The following PTPRT variants were observed in gnomAD, a reference collection of about 807,000 sequenced individuals.
The protein encoded by PTPRT is protein tyrosine phosphatase receptor type T, also known as receptor-type tyrosine-protein phosphatase T.
Under a neutral mutation model 176.8 loss-of-function variants are expected in PTPRT, and 56 were observed. The observed-to-expected ratio is 0.32, with a 90% CI of 0.26 to 0.40. PTPRT has a LOEUF of 0.40. PTPRT is among the 10% of genes least tolerant of loss of function. PTPRT has a pLI of 1.00. For missense variants in PTPRT, 1,540 were observed against 1,908.2 expected (o/e 0.81, Z 3.60); for synonymous variants, 783 against 739.0 (o/e 1.06, Z -0.96).
rs541164283 is a variant in PTPRT at position 43,046,614 on chromosome 20, G to A, written c.88+143032C>T. Among the ~76,000 whole-genome samples the A allele has an allele frequency of 5.3e-5, 8 of 151,982 alleles. No individual in the cohort carries two copies. The South Asian group carries it at 8.3e-4, about 16-fold the overall frequency. On this transcript the variant is annotated intron_variant, in intron 1 of 30. Transcript: ENST00000373187. ...TGGCTTGGACAGCGGGACTGAGGTC[G>A]GGCTGTGGTGGGGGCATGCAGTTCT...
At chr20:42,055,698 G>T in the PTPRT span, among the ~76,000 whole-genome samples, 1 of 152,168 alleles carries the variant, frequency 6.6e-6, no homozygotes, top group Non-Finnish European at 1.5e-5. Flanking sequence ...AGGACCATGG[G>T]GGGAATGAGA....
chr20:42,446,479 C>A (rs1366351347), intron 9 of PTPRT, among the ~76,000 whole-genome samples: 1 of 152,058 alleles, frequency 6.6e-6, no homozygotes, highest in Non-Finnish European at 1.5e-5. Context: ...GCGTCTTTTA[C>A]ATAACAGTAT....
At chr20:42,932,186 T>G (rs750095382) in intron 1 of PTPRT, among the ~76,000 whole-genome samples, 1 of 152,166 alleles carries the variant, frequency 6.6e-6, no homozygotes, top group South Asian at 2.1e-4. Context: ...ATCCCTGAGG[T>G]GCCAAAGACG....
At chr20:42,533,173 G>T (rs1472196535) in intron 7 of PTPRT, among the ~76,000 whole-genome samples, 1 of 152,222 alleles carries the variant, frequency 6.6e-6, no homozygotes, top group Non-Finnish European at 1.5e-5. Flanking sequence ...GGGCAGCATT[G>T]CAGGAGGCCA....
chr20:42,919,462 C>T (rs1386660987), intron 1 of PTPRT, among the ~76,000 whole-genome samples: 1 of 152,246 alleles, frequency 6.6e-6, no homozygotes, highest in African/African-American at 2.4e-5. Context: ...TGGGGCTGCC[C>T]CAGAGATGCC....
chr20:43,187,111 C>T (rs1568833874), intron 1 of PTPRT, among the ~76,000 whole-genome samples: 2 of 152,124 alleles, frequency 1.3e-5, no homozygotes, highest in South Asian at 4.1e-4. Context: ...AAGGAAATTG[C>T]CTTTTGATGA....
rs556189433 is a variant in PTPRT at position 43,028,021 on chromosome 20, G to A, written c.89-142089C>T. Among the ~76,000 whole-genome samples the A allele has an allele frequency of 3.3e-5, 5 of 152,276 alleles. No individual in the cohort carries two copies. The South Asian group carries it at 1.0e-3, about 32-fold the overall frequency. ...AGCGAAAGACCCTTCCCTGATACAG[G>A]CCAGAATTTTCCGAAGTAAGGTCTT... On this transcript the variant is annotated intron_variant, in intron 1 of 30. Transcript: ENST00000373187.
chr20:42,419,336 T>C (rs930948444), intron 9 of PTPRT, among the ~76,000 whole-genome samples: 3 of 152,166 alleles, frequency 2.0e-5, no homozygotes, highest in South Asian at 2.1e-4. Context: ...GAGGGGTTCA[T>C]TGCTTTAGCA....
At chr20:42,288,764 C>G (rs2057273416) in intron 12 of PTPRT, among the ~76,000 whole-genome samples, 1 of 151,946 alleles carries the variant, frequency 6.6e-6, no homozygotes, top group South Asian at 2.1e-4. Context: ...TCCAACCCAC[C>G]ACTAACGGGC....
At chr20:42,404,872 A>C (rs2058943802) in intron 9 of PTPRT, among the ~76,000 whole-genome samples, 1 of 151,170 alleles carries the variant, frequency 6.6e-6, no homozygotes, top group Non-Finnish European at 1.5e-5. Flanking sequence ...GATAAAAACA[A>C]CTGAAGTATG....
chr20:42,324,585 G>T (rs2057854603), intron 11 of PTPRT, among the ~76,000 whole-genome samples: 1 of 152,140 alleles, frequency 6.6e-6, no homozygotes, highest in African/African-American at 2.4e-5. Context: ...CACTTCAAAA[G>T]TCTATGCTTT....
the PTPRT span, chr20:42,063,998 A>C: frequency 6.6e-6 from 1 of 151,702 alleles, no homozygotes; most frequent in African/African-American, 2.4e-5. Flanking sequence ...TGCTTTGGTG[A>C]TTTGTAAGAG....
chr20:43,067,291 G>A (rs911730704), intron 1 of PTPRT, among the ~76,000 whole-genome samples: 3 of 152,252 alleles, frequency 2.0e-5, no homozygotes, highest in Admixed American at 6.5e-5. Flanking sequence ...GAGACAGAAC[G>A]CAGACGGGTG....
At chr20:42,359,446 T>C (rs1200786609) in intron 9 of PTPRT, among the ~76,000 whole-genome samples, 2 of 152,290 alleles carry the variant, frequency 1.3e-5, no homozygotes, top group Non-Finnish European at 2.9e-5. Context: ...CTGAGCCTCC[T>C]AAGGCTGAAA....
At chr20:42,452,245 G>A (rs1477211917) in intron 8 of PTPRT, among the ~76,000 whole-genome samples, 1 of 150,696 alleles carries the variant, frequency 6.6e-6, no homozygotes, top group Non-Finnish European at 1.5e-5. Flanking sequence ...CCCCAGCCTA[G>A]TGACAGACTG....
intron 6 of PTPRT, among the ~76,000 whole-genome samples, chr20:42,737,440 G>A (rs1204962945): frequency 1.3e-5 from 2 of 152,092 alleles, no homozygotes; most frequent in Admixed American, 1.3e-4. Flanking sequence ...AGACCAGCCT[G>A]GTCAACATGG....
intron 18 of PTPRT, among the ~76,000 whole-genome samples, chr20:42,141,424 T>C (rs2076243): frequency 0.066 from 10,111 of 152,286 alleles, 636 homozygotes; most frequent in East Asian, 0.29. Flanking sequence ...AGGAGCATCA[T>C]TCTCTTGCCC....
intron 13 of PTPRT, among the ~76,000 whole-genome samples, chr20:42,254,712 C>A (rs6102751): frequency 1.3e-5 from 2 of 152,070 alleles, no homozygotes; most frequent in Non-Finnish European, 2.9e-5. Context: ...CCTTTCAATG[C>A]GGCATCATGT....
chr20:42,949,692 T>C (rs1244138515), intron 1 of PTPRT, among the ~76,000 whole-genome samples: 2 of 152,208 alleles, frequency 1.3e-5, no homozygotes, highest in Non-Finnish European at 2.9e-5. Context: ...TAAACAGTTG[T>C]TGGTTTACAT....
Sources: gnomAD v4.1 joint callset for allele counts (sites outside exome capture counted in the v4.1 genomes callset) on GRCh38, gnomAD v4.1.1 for gene constraint, MANE v1.5 for transcripts, NCBI Gene and HGNC (gene_info 2026-07-23, HGNC 2026-07-21) for gene names.